The following ROBO2 variants were observed in gnomAD, a reference collection of about 807,000 sequenced individuals.
ROBO2 encodes the protein roundabout homolog 2.
ROBO2 carries 53 observed loss-of-function variants against 160.8 expected under a neutral mutation model. The observed-to-expected ratio is 0.33, with a 90% CI of 0.26 to 0.41. The LOEUF (loss-of-function observed/expected upper bound fraction) is 0.41. ROBO2 is among the 10% of genes least tolerant of loss of function. The pLI, the probability that ROBO2 is intolerant of heterozygous loss-of-function variation, is 1.00. For missense variants in ROBO2, 1,577 were observed against 1,722.4 expected (o/e 0.92, Z 1.49); for synonymous variants, 664 against 611.7 (o/e 1.09, Z -1.26).
At chr3:77,566,882 G>T (rs2153665017) in intron 12 of ROBO2, among the ~76,000 whole-genome samples, 1 of 152,084 alleles carries the variant, frequency 6.6e-6, no homozygotes, top group Non-Finnish European at 1.5e-5. Context: ...CTTTTTCAAA[G>T]AACACTTTGC....
chr3:76,893,707 A>C (rs2074539270), intron 2 of ROBO2, among the ~76,000 whole-genome samples: 1 of 152,128 alleles, frequency 6.6e-6, no homozygotes, highest in Admixed American at 6.5e-5. Context: ...TTTGAAATAT[A>C]CAATACATTA....
intron 2 of ROBO2, among the ~76,000 whole-genome samples, chr3:76,644,997 T>A (rs2090895808): frequency 6.6e-6 from 1 of 152,192 alleles, no homozygotes; most frequent in Admixed American, 6.5e-5. Context: ...AAGGGCACAA[T>A]GCCAGGAAAT....
At chr3:77,207,786 A>G (rs2083615416) in intron 2 of ROBO2, among the ~76,000 whole-genome samples, 1 of 152,338 alleles carries the variant, frequency 6.6e-6, no homozygotes, top group African/African-American at 2.4e-5. Context: ...GCAATTGCAG[A>G]TTCACTGCAT....
intron 4 of ROBO2, among the ~76,000 whole-genome samples, chr3:77,482,212 T>G (rs2084789155): frequency 6.6e-6 from 1 of 152,176 alleles, no homozygotes; most frequent in Admixed American, 6.5e-5. Flanking sequence ...ATTTTCAAAT[T>G]ATTTTTCAGT....
At chr3:76,272,919 T>TATAAAATATATA (rs1559706308) in intron 2 of ROBO2, among the ~76,000 whole-genome samples, 1 of 21,546 alleles carries the variant, frequency 4.6e-5, no homozygotes, top group African/African-American at 1.1e-4. Flanking sequence ...ATATATAAAA[T>TATAAAATATATA]ATATATATTT....
At chr3:76,294,509 C>T (rs1457214343) in intron 2 of ROBO2, among the ~76,000 whole-genome samples, 1 of 152,138 alleles carries the variant, frequency 6.6e-6, no homozygotes, top group Non-Finnish European at 1.5e-5. Flanking sequence ...TAGCCAGATG[C>T]TATTTTCCAT....
intron 1 of ROBO2, among the ~76,000 whole-genome samples, chr3:77,042,907 T>C (rs951978865): frequency 2.0e-5 from 3 of 152,038 alleles, no homozygotes; most frequent in Non-Finnish European, 2.9e-5. Context: ...AATTGAGGAG[T>C]TGACACTGAA....
At chr3:76,297,834 A>G (rs1709156784) in intron 2 of ROBO2, among the ~76,000 whole-genome samples, 1 of 152,176 alleles carries the variant, frequency 6.6e-6, no homozygotes, top group Admixed American at 6.5e-5. Flanking sequence ...CTGTGTTTCA[A>G]TCTAGTGCTC....
intron 2 of ROBO2, chr3:76,434,364 G>A (rs2076572727): frequency 4.7e-6 from 7 of 1,504,622 alleles, no homozygotes; most frequent in African/African-American, 4.1e-5. Context: ...GAGAAGAACC[G>A]AGGCAGCAAG....
Position 77,009,488 on chromosome 3 carries a change from A to T in ROBO2, c.110-88526A>T, listed in dbSNP as rs539671898. ...CTTCTCCACATAAGAATTGTATTTA[A>T]TGTGCCAAACTATTTTGGAAACAAT... On this transcript the variant is annotated intron_variant, in intron 2 of 26. Transcript: ENST00000487694. 4.3e-4 allele frequency among the ~76,000 whole-genome samples: 66 copies of T among 152,298 alleles called. No homozygotes were observed. In the South Asian group the frequency reaches 5.4e-3, roughly 12 times the overall value.
chr3:76,608,747 T>C (rs555814168), intron 2 of ROBO2, among the ~76,000 whole-genome samples: 1 of 152,204 alleles, frequency 6.6e-6, no homozygotes, highest in Non-Finnish European at 1.5e-5. Context: ...TATTTTCCTA[T>C]GTGGTGAGAC....
chr3:76,651,285 G>A (rs931186556), intron 2 of ROBO2, among the ~76,000 whole-genome samples: 2 of 151,984 alleles, frequency 1.3e-5, no homozygotes, highest in African/African-American at 2.4e-5. Flanking sequence ...CTAAGCGTCC[G>A]AAGGTGGTGA....
chr3:76,141,869 G>T (rs1559586935), intron 2 of ROBO2, among the ~76,000 whole-genome samples: 1 of 151,976 alleles, frequency 6.6e-6, no homozygotes, highest in Non-Finnish European at 1.5e-5. Context: ...GAGAGCACAG[G>T]CATTGTTAAT....
At chr3:77,600,910 A>C (rs990991172) in intron 19 of ROBO2, among the ~76,000 whole-genome samples, 3 of 152,206 alleles carry the variant, frequency 2.0e-5, no homozygotes, top group Non-Finnish European at 4.4e-5. Context: ...GAAATATGAT[A>C]AGTTAAAATA....
chr3:76,089,823 C>T (rs906383352), intron 2 of ROBO2, among the ~76,000 whole-genome samples: 9 of 151,882 alleles, frequency 5.9e-5, no homozygotes, highest in African/African-American at 1.2e-4. Context: ...ACTGGAAGTT[C>T]GAGCTAATCA....
chr3:76,229,437 A>G (rs1054074284), intron 2 of ROBO2, among the ~76,000 whole-genome samples: 3 of 152,276 alleles, frequency 2.0e-5, no homozygotes, highest in East Asian at 3.9e-4. Context: ...CAAGCAATAG[A>G]TGAATATCAT....
At chr3:76,149,922 G>T (rs1252942059) in intron 2 of ROBO2, among the ~76,000 whole-genome samples, 4 of 144,864 alleles carry the variant, frequency 2.8e-5, no homozygotes, top group East Asian at 2.1e-4. Flanking sequence ...TCTGTCTAAA[G>T]CACACATCTG....
intron 2 of ROBO2, among the ~76,000 whole-genome samples, chr3:76,671,456 A>G (rs142342491): frequency 6.6e-6 from 1 of 152,172 alleles, no homozygotes; most frequent in Non-Finnish European, 1.5e-5. Context: ...GCGTTTTAAC[A>G]TTTACGTTGT....
intron 2 of ROBO2, among the ~76,000 whole-genome samples, chr3:77,464,344 A>G (rs760728085): frequency 2.0e-5 from 3 of 152,196 alleles, no homozygotes; most frequent in Non-Finnish European, 4.4e-5. Context: ...CCTAAGAGGA[A>G]CTGGCATATG....
Sources: allele counts gnomAD v4.1 joint callset (sites outside exome capture counted in the v4.1 genomes callset), GRCh38; gene constraint gnomAD v4.1.1; transcripts MANE v1.5; gene names NCBI Gene and HGNC (gene_info 2026-07-23, HGNC 2026-07-21).